MIEF1: variants seen among roughly 807,000 people sequenced by gnomAD.
MIEF1 encodes mitochondrial dynamics protein MIEF1.
MIEF1 carries 14 observed loss-of-function variants against 35.1 expected under a neutral mutation model. That is an observed-to-expected ratio of 0.40 (90% CI 0.26 to 0.62). The LOEUF (loss-of-function observed/expected upper bound fraction) is 0.62. Ranked by LOEUF, MIEF1 falls within the 20% of genes least tolerant of loss-of-function variation. MIEF1 has a pLI of 0.43. For missense variants in MIEF1, 542 were observed against 615.4 expected (o/e 0.88, Z 1.26); for synonymous variants, 245 against 254.3 (o/e 0.96, Z 0.35).
intron 2 of MIEF1, among the ~76,000 whole-genome samples, chr22:39,505,586 C>T (rs1369209183): frequency 2.0e-5 from 3 of 152,146 alleles, no homozygotes; most frequent in Non-Finnish European, 2.9e-5. Context: ...TGGGCCTGGT[C>T]TGGAAGGACG....
At chr22:39,510,104 A>T (rs1361158382) in intron 2 of MIEF1, among the ~76,000 whole-genome samples, 2 of 152,062 alleles carry the variant, frequency 1.3e-5, no homozygotes, top group Non-Finnish European at 2.9e-5. Flanking sequence ...GATTACAGGC[A>T]TGCGCTGTCA....
Position 39,511,944 on chromosome 22 carries a change from A to G in MIEF1, c.240A>G (p.Pro80=). 6.2e-7 allele frequency: 1 copy of G among 1,614,218 alleles called. No individual in the cohort carries two copies. The highest frequency in any genetic ancestry group is 2.2e-5 in the East Asian group (1 of 44,892). The change falls in exon 4 of 6, where the codon CCA becomes CCG. Residue 80 remains proline, a synonymous_variant. Transcript: ENST00000325301. ...SWEEPNWMGS[P]RLLNRDMKTG... Reference sequence around the variant, plus strand: ...AAGAACCCAACTGGATGGGCTCCCCACGACTGCTGAACAGGGACATGAAGA... The same window carrying G: ...AAGAACCCAACTGGATGGGCTCCCCGCGACTGCTGAACAGGGACATGAAGA...
chr22:39,504,090 C>A, intron 1 of MIEF1, 113 bp from the exon 2 acceptor site: 1 of 396,380 alleles, frequency 2.5e-6, no homozygotes, highest in Non-Finnish European at 4.4e-6. Context: ...CATACGGTGA[C>A]CTGGAGCGGG....
chr22:39,517,602 G>T lies in MIEF1; in HGVS notation c.*3279G>T, dbSNP rs1022336131. On this transcript the variant is annotated 3_prime_UTR_variant, in exon 6 of 6. Coordinates refer to ENST00000325301, the MANE Select transcript of MIEF1 (RefSeq NM_019008.6). ...CTACTGCGAGTGTCCAGAGCTCTCT[G>T]CCATGATACTTCCTTGGGACTGACT... 2 of 471,068 alleles carry T rather than the reference G, an allele frequency of 4.2e-6. No homozygotes were observed. The allele number at this position is 471,068 out of a possible 1,614,324, so 29.2% of individuals were successfully genotyped here. A position where few individuals can be genotyped will look rare whatever the true frequency, so the allele number is the denominator to read the frequency against.
Position 39,517,294 on chromosome 22 carries a change from C to A in MIEF1, c.*2971C>A. On this transcript the variant is annotated 3_prime_UTR_variant, in exon 6 of 6. Coordinates refer to ENST00000325301, the MANE Select transcript of MIEF1 (RefSeq NM_019008.6). ...AGTTTATTTTGGTTCTCCTCTGTTG[C>A]CCTTCCTAAAAAATGAGCTGAAGAT... 1 of 223,904 alleles carries A rather than the reference C, an allele frequency of 4.5e-6. No homozygotes were observed. Among genetic ancestry groups the A allele is most frequent in the South Asian group, 5.1e-5 (1 of 19,536 alleles). 13.9% of individuals were successfully genotyped at this position (223,904 alleles called of 1,614,324 possible). A position where few individuals can be genotyped will look rare whatever the true frequency, so the allele number is the denominator to read the frequency against.
rs148858679 is a variant in MIEF1, at chr22:39,517,822, C to G, written c.*3499C>G. The stretch of plus-strand genomic sequence containing the variant: ...GAGGTGGGTTCCATGGTCAAATGCA[C>G]AGTAGGTGTTTACCTTTACATTTGG... On this transcript the variant is annotated 3_prime_UTR_variant, in exon 6 of 6. Coordinates refer to ENST00000325301, the MANE Select transcript of MIEF1 (RefSeq NM_019008.6). 4.2e-5 allele frequency: 13 copies of G among 309,340 alleles called. No individual in the cohort carries two copies. Among genetic ancestry groups the G allele is most frequent in the African/African-American group, 2.9e-4 (13 of 45,294 alleles). The allele number at this position is 309,340 out of a possible 1,614,324, so 19.2% of individuals were successfully genotyped here.
chr22:39,511,880 G>A lies in MIEF1; in HGVS notation c.176G>A (p.Ser59Asn). The part of the protein sequence containing the change: ...MYDRAISAPT[S>N]PTRLSHSGKR... ...GATCGGGCGATCAGTGCCCCTACCA[G>A]CCCCACCCGCCTGAGCCATTCGGGG... Residue 59 changes from serine (S) to asparagine (N), a missense_variant, in exon 4 of 6, where the codon AGC (serine) becomes AAC (asparagine). By Grantham distance (46) the Ser-to-Asn change is conservative (BLOSUM62 1). Coordinates refer to ENST00000325301, the MANE Select transcript of MIEF1 (RefSeq NM_019008.6). 2.5e-6 allele frequency: 4 copies of A among 1,614,102 alleles called. No individual in the cohort carries two copies. The South Asian group carries it at 3.3e-5, about 13-fold the overall frequency.
Position 39,510,413 on chromosome 22 carries a change from A to C in MIEF1, c.-7-875A>C, listed in dbSNP as rs572953807. ...CTCCTAAGTAGATAGGACTACAGGC[A>C]TGTGCCACCATGCTCAATTTATTTT... is the stretch of plus-strand genomic sequence containing the variant. On this transcript the variant is annotated intron_variant, in intron 2 of 5. Transcript: ENST00000325301. Among the ~76,000 whole-genome samples the C allele has an allele frequency of 2.0e-3, 303 of 152,288 alleles. 1 individual carries two copies. Among genetic ancestry groups the C allele is most frequent in the African/African-American group, 6.8e-3 (284 of 41,560 alleles).
chr22:39,507,287 C>T (rs1174746402), intron 2 of MIEF1, among the ~76,000 whole-genome samples: 2 of 151,988 alleles, frequency 1.3e-5, no homozygotes, highest in Non-Finnish European at 2.9e-5. Flanking sequence ...CTCTGTCACC[C>T]AGGCTGGAGT....
chr22:39,511,515 T>C, intron 3 of MIEF1, 77 bp downstream of exon 3: 2 of 1,449,720 alleles, frequency 1.4e-6, no homozygotes, highest in Non-Finnish European at 1.8e-6. Flanking sequence ...AGAAAGAAAA[T>C]GTCGAAGCGT....
At position 39,515,173 on chromosome 22, in the gene MIEF1, A is replaced by G; in HGVS notation, c.*850A>G. 1 of 668,190 alleles carries G rather than the reference A, an allele frequency of 1.5e-6. No individual in the cohort carries two copies. Among genetic ancestry groups the G allele is most frequent in the African/African-American group, 1.8e-5 (1 of 56,318 alleles). 41.4% of individuals were successfully genotyped at this position (668,190 alleles called of 1,614,324 possible). A position where few individuals can be genotyped will look rare whatever the true frequency, so the allele number is the denominator to read the frequency against. On this transcript the variant is annotated 3_prime_UTR_variant, in exon 6 of 6. Coordinates refer to ENST00000325301, the MANE Select transcript of MIEF1 (RefSeq NM_019008.6). ...AGACAAGGATGGGGACTGCCAGGGC[A>G]CCACTTCATCATGAATGCTGGTTTT...
chr22:39,508,818 T>C (rs1930184225), intron 2 of MIEF1, among the ~76,000 whole-genome samples: 1 of 152,114 alleles, frequency 6.6e-6, no homozygotes, highest in African/African-American at 2.4e-5. Flanking sequence ...GAAAAAAATA[T>C]TTTTGGGCTT....
chr22:39,513,270 T>G (rs900375578), intron 5 of MIEF1, among the ~76,000 whole-genome samples: 8 of 152,008 alleles, frequency 5.3e-5, no homozygotes, highest in African/African-American at 1.9e-4. Flanking sequence ...CTGGCTAATT[T>G]TTTTGTATTT....
rs1023951441 is a variant in MIEF1 at position 39,511,213 on chromosome 22, T to G, written c.-7-75T>G. 2.5e-6 allele frequency: 4 copies of G among 1,589,202 alleles called. No homozygotes were observed. In the African/African-American group the frequency reaches 5.4e-5, roughly 22 times the overall value. On this transcript the variant is annotated intron_variant, in intron 2 of 5. Transcript: ENST00000325301. ...AACTCACAGAGTACCCTGTACTTGT[T>G]GGGGTTTGGCTTGTTAGGGGAGGGA...
upstream of MIEF1, chr22:39,500,320 G>C (rs1266518786): frequency 1.3e-5 from 2 of 151,970 alleles, no homozygotes; most frequent in Admixed American, 6.6e-5. Flanking sequence ...CGGAAGCATC[G>C]GGGGCAGGGA....
Position 39,516,302 on chromosome 22 carries a change from G to A in MIEF1, c.*1979G>A, listed in dbSNP as rs1360706525. 2 of 152,176 alleles carry A rather than the reference G, an allele frequency of 1.3e-5. No individual in the cohort carries two copies. Among genetic ancestry groups the A allele is most frequent in the Non-Finnish European group, 2.9e-5 (2 of 68,036 alleles). 9.4% of individuals were successfully genotyped at this position (152,176 alleles called of 1,614,324 possible). A position where few individuals can be genotyped will look rare whatever the true frequency, so the allele number is the denominator to read the frequency against. ...GAGAGGAGAGGATTGATAGAGTGTT[G>A]CAAAAGTATAGATTATTCATTGAGA... On this transcript the variant is annotated 3_prime_UTR_variant, in exon 6 of 6. Transcript: ENST00000325301.
chr22:39,501,378 C>T (rs1269814956), upstream of MIEF1, among the ~76,000 whole-genome samples: 1 of 152,208 alleles, frequency 6.6e-6, no homozygotes, highest in Non-Finnish European at 1.5e-5. Flanking sequence ...TAGATATTAC[C>T]TTTTAATCCT....
upstream of MIEF1, chr22:39,500,607 A>G (rs1929656284): frequency 1.3e-5 from 2 of 151,878 alleles, no homozygotes; most frequent in African/African-American, 4.8e-5. Flanking sequence ...AGAGTAAGAC[A>G]GACTTGGCTT....
At position 39,504,554 on chromosome 22, in the gene MIEF1, T is replaced by G. The variant is rs1929922003; in HGVS notation, c.-8+20T>G. On this transcript the variant is annotated intron_variant, in intron 2 of 5. Coordinates refer to ENST00000325301, the MANE Select transcript of MIEF1 (RefSeq NM_019008.6). ...CCTCAGGTACGTAGGCCCTCGTTCC[T>G]GTAGGTTTCCTTATTTTTTGTTGCA... 2.5e-6 allele frequency: 1 copy of G among 397,560 alleles called. No homozygotes were observed. Among genetic ancestry groups the G allele is most frequent in the African/African-American group, 2.1e-5 (1 of 48,760 alleles). The allele number at this position is 397,560 out of a possible 1,614,324, so 24.6% of individuals were successfully genotyped here.
Sources: gnomAD v4.1 joint callset for allele counts (sites outside exome capture counted in the v4.1 genomes callset) on GRCh38, gnomAD v4.1.1 for gene constraint, MANE v1.5 for transcripts, NCBI Gene and HGNC (gene_info 2026-07-23, HGNC 2026-07-21) for gene names.